B3GALNT1: variants seen among roughly 807,000 people sequenced by gnomAD.
The protein encoded by B3GALNT1 is UDP-GalNAc:beta-1,3-N-acetylgalactosaminyltransferase 1.
Under a neutral mutation model 27.3 loss-of-function variants are expected in B3GALNT1, and 17 were observed. The observed-to-expected ratio is 0.62, with a 90% CI of 0.43 to 0.94. The LOEUF (loss-of-function observed/expected upper bound fraction) is 0.94, where lower values mean the gene tolerates loss of function less well. Among genes scored for constraint, B3GALNT1 ranks in the 40% least tolerant of loss-of-function variants. The pLI, the probability that B3GALNT1 is intolerant of heterozygous loss-of-function variation, is 0.00. For synonymous variants in B3GALNT1, 141 were observed against 144.0 expected (o/e 0.98, Z 0.15); for missense variants, 347 against 390.0 (o/e 0.89, Z 0.93).
intron 4 of B3GALNT1, among the ~76,000 whole-genome samples, chr3:161,089,406 CTA>C (rs922148026): frequency 2.0e-5 from 3 of 152,010 alleles, no homozygotes; most frequent in African/African-American, 7.2e-5. Flanking sequence ...AACTAAAATA[CTA>C]GGTAAAAATG....
intron 4 of B3GALNT1, among the ~76,000 whole-genome samples, chr3:161,096,377 G>A (rs1432687406): frequency 6.6e-6 from 1 of 152,142 alleles, no homozygotes; most frequent in Non-Finnish European, 1.5e-5. Flanking sequence ...GCTAGAGTCA[G>A]GATCATCCAT....
At chr3:161,095,166 T>C (rs917849778) in intron 4 of B3GALNT1, among the ~76,000 whole-genome samples, 1 of 152,094 alleles carries the variant, frequency 6.6e-6, no homozygotes, top group African/African-American at 2.4e-5. Context: ...ATGTCAACTA[T>C]TTTCCTCTCT....
At chr3:161,103,603 T>C in intron 2 of B3GALNT1, 86 bp from the exon 3 acceptor site, 1 of 432,682 alleles carries the variant, frequency 2.3e-6, no homozygotes. Context: ...ACTTAGCAAG[T>C]TGTTTTTGGA....
At chr3:161,095,472 G>C (rs923799042) in intron 4 of B3GALNT1, among the ~76,000 whole-genome samples, 1 of 152,238 alleles carries the variant, frequency 6.6e-6, no homozygotes, top group East Asian at 1.9e-4. Context: ...ACCTGTCTTT[G>C]TAAGTTTATA....
chr3:161,085,851 G>C lies in B3GALNT1; in HGVS notation c.904C>G (p.Leu302Val). 3 of 1,614,130 alleles carry C rather than the reference G, an allele frequency of 1.9e-6. No individual in the cohort carries two copies. Among genetic ancestry groups the C allele is most frequent in the Non-Finnish European group, 2.5e-6 (3 of 1,180,016 alleles). ...CCATGGGCTGCAATCACACGTCTCA[G>C]TTGACAGACATCCAAATGGATTCTA... ...LYRIHLDVCQLRRVIAAHGFS... is the reference protein window; with the variant it reads ...LYRIHLDVCQVRRVIAAHGFS... Residue 302 changes from leucine (L) to valine (V), a missense_variant, in exon 5 of 5, where the codon CTG (leucine) becomes GTG (valine). Physicochemically the swap from Leu to Val is conservative, Grantham distance 32. Coordinates refer to ENST00000320474, the MANE Select transcript of B3GALNT1 (RefSeq NM_003781.4).
In B3GALNT1 at chr3:161,101,140, T is replaced by C. The variant is rs757893862; in HGVS notation, c.-36A>G. The C allele has an allele frequency of 7.8e-7, 1 of 1,289,556 alleles. No individual in the cohort carries two copies. Among genetic ancestry groups the C allele is most frequent in the Non-Finnish European group, 1.0e-6 (1 of 988,692 alleles). 79.9% of individuals were successfully genotyped at this position (1,289,556 alleles called of 1,614,324 possible). ...AGAATGCAGCAGAAGCAGACACACC[T>C]TTACACTCGGGGTGAGTAGTCGGAG... On this transcript the variant is annotated splice_region_variant and 5_prime_UTR_variant, in exon 4 of 5. Coordinates refer to ENST00000320474, the MANE Select transcript of B3GALNT1 (RefSeq NM_003781.4).
intron 4 of B3GALNT1, among the ~76,000 whole-genome samples, chr3:161,090,741 T>C (rs35961258): frequency 0.027 from 4,149 of 152,138 alleles, 204 homozygotes; most frequent in African/African-American, 0.094. Flanking sequence ...AATCCTTATA[T>C]ACACAATTTG....
intron 4 of B3GALNT1, among the ~76,000 whole-genome samples, chr3:161,087,128 T>C (rs1439440642): frequency 7.9e-5 from 12 of 152,144 alleles, no homozygotes; most frequent in Non-Finnish European, 1.6e-4. Flanking sequence ...AATGATGGGT[T>C]AAAAAATAAA....
intron 4 of B3GALNT1, among the ~76,000 whole-genome samples, chr3:161,090,470 T>C (rs1724459892): frequency 6.6e-6 from 1 of 152,068 alleles, no homozygotes; most frequent in African/African-American, 2.4e-5. Flanking sequence ...AGAAAACTAA[T>C]AATATTAGGT....
At position 161,086,104 on chromosome 3, in the gene B3GALNT1, T is replaced by C. The variant is rs776759593; in HGVS notation, c.651A>G (p.Gly217=). The C allele has an allele frequency of 1.2e-6, 2 of 1,601,682 alleles. No individual in the cohort carries two copies. Among genetic ancestry groups the C allele is most frequent in the South Asian group, 2.3e-5 (2 of 88,764 alleles). ...AAGAAATATGGGTTTTTTGGTAAAA[T>C]CCTCTATAGGAATAATTATCAATTA... is the stretch of plus-strand genomic sequence containing the variant. The part of the protein sequence containing the change: ...YPLIDNYSYR[G]FYQKTHISYQ... The change falls in exon 5 of 5, where the codon GGA becomes GGG. Residue 217 remains glycine (G), a synonymous_variant. Transcript: ENST00000320474.
In B3GALNT1 at chr3:161,085,450, A is replaced by G. The variant is rs1354601670; in HGVS notation, c.*309T>C. ...TTTGTTTTTACAGCCTAGTGAGCTT[A>G]TAACTCAGTAACACCCTTTTAAGAA... On this transcript the variant is annotated 3_prime_UTR_variant, in exon 5 of 5. Coordinates refer to ENST00000320474, the MANE Select transcript of B3GALNT1 (RefSeq NM_003781.4). 1.4e-5 allele frequency: 5 copies of G among 361,858 alleles called. No individual in the cohort carries two copies. The highest frequency in any genetic ancestry group is 3.2e-5 in the South Asian group (1 of 30,928). The allele number at this position is 361,858 out of a possible 1,614,324, so 22.4% of individuals were successfully genotyped here. A position where few individuals can be genotyped will look rare whatever the true frequency, so the allele number is the denominator to read the frequency against.
chr3:161,087,319 T>G (rs569508105), intron 4 of B3GALNT1, among the ~76,000 whole-genome samples: 44 of 152,328 alleles, frequency 2.9e-4, no homozygotes, highest in African/African-American at 1.0e-3. Flanking sequence ...GTGATCATTA[T>G]TCTATTCTTA....
Position 161,104,029 on chromosome 3 carries a change from GAT to G in B3GALNT1, c.-221+288_-221+289del. On this transcript the variant is annotated intron_variant, in intron 2 of 4. Transcript: ENST00000320474. ...GGCGTGAGCCACCGCGCCCGGCCTGGATGCTGTTTTGACAACAGTGTTTATTT... is the reference window on the plus strand; with the variant it reads ...GGCGTGAGCCACCGCGCCCGGCCTGGGCTGTTTTGACAACAGTGTTTATTT... 6.9e-5 allele frequency: 16 copies of G among 232,874 alleles called. 1 individual carries two copies. In the South Asian group the frequency reaches 7.7e-4, roughly 11 times the overall value. The allele number at this position is 232,874 out of a possible 1,614,324, so 14.4% of individuals were successfully genotyped here.
At position 161,086,504 on chromosome 3, in the gene B3GALNT1, A is replaced by C; in HGVS notation, c.251T>G (p.Val84Gly). 1 of 1,614,176 alleles carries C rather than the reference A, an allele frequency of 6.2e-7. No homozygotes were observed. Among genetic ancestry groups the C allele is most frequent in the Non-Finnish European group, 8.5e-7 (1 of 1,180,040 alleles). Residue 84 changes from valine to glycine, a missense_variant, in exon 5 of 5, where the codon GTG (valine) becomes GGG (glycine). Coordinates refer to ENST00000320474, the MANE Select transcript of B3GALNT1 (RefSeq NM_003781.4). ...SHQNPFLVILVTSHPSDVKAR... is the reference protein window; with the variant it reads ...SHQNPFLVILGTSHPSDVKAR... ...TTTCACATCTGAAGGGTGGGAGGTCACCAGAATGACCAGAAATGGATTTTG... is the reference window on the plus strand; with the variant it reads ...TTTCACATCTGAAGGGTGGGAGGTCCCCAGAATGACCAGAAATGGATTTTG...
In B3GALNT1 at chr3:161,085,421, T is replaced by G; in HGVS notation, c.*338A>C. On this transcript the variant is annotated 3_prime_UTR_variant, in exon 5 of 5. Transcript: ENST00000320474. ...ATTGTTCAATAAATAAAACTCTACA[T>G]TGTTTTGTTTTTACAGCCTAGTGAG... is the stretch of plus-strand genomic sequence containing the variant. The G allele has an allele frequency of 3.7e-6, 1 of 270,828 alleles. No homozygotes were observed. Among genetic ancestry groups the G allele is most frequent in the Non-Finnish European group, 7.1e-6 (1 of 141,268 alleles). The allele number at this position is 270,828 out of a possible 1,614,324, so 16.8% of individuals were successfully genotyped here.
Position 161,085,189 on chromosome 3 carries a change from A to C in B3GALNT1, c.*570T>G, listed in dbSNP as rs1721056319. 1 of 152,644 alleles carries C rather than the reference A, an allele frequency of 6.6e-6. No homozygotes were observed. The highest frequency in any genetic ancestry group is 1.9e-4 in the East Asian group (1 of 5,196). 9.5% of individuals were successfully genotyped at this position (152,644 alleles called of 1,614,324 possible). On this transcript the variant is annotated 3_prime_UTR_variant, in exon 5 of 5. Coordinates refer to ENST00000320474, the MANE Select transcript of B3GALNT1 (RefSeq NM_003781.4). ...CTTTTTATCTTGTATTGAAATCGTCAAAACATTTAAAAACACAAAGTTGAA... is the reference window on the plus strand; with the variant it reads ...CTTTTTATCTTGTATTGAAATCGTCCAAACATTTAAAAACACAAAGTTGAA...
chr3:161,085,785 G>A lies in B3GALNT1; in HGVS notation c.970C>T (p.Leu324=). The A allele has an allele frequency of 6.2e-7, 1 of 1,614,028 alleles. No individual in the cohort carries two copies. Among genetic ancestry groups the A allele is most frequent in the Non-Finnish European group, 8.5e-7 (1 of 1,180,010 alleles). ...KEIITFWQVM[L]RNTTCHY ...TAATAATGGCATGTGGTGTTCCTTA[G>A]CATGACCTGCCAAAAAGTGATGATC... The change falls in exon 5 of 5, where the codon CTA becomes TTA. Residue 324 remains leucine (L), a synonymous_variant. Coordinates refer to ENST00000320474, the MANE Select transcript of B3GALNT1 (RefSeq NM_003781.4).
At chr3:161,090,679 G>A (rs1257795381) in intron 4 of B3GALNT1, among the ~76,000 whole-genome samples, 1 of 151,376 alleles carries the variant, frequency 6.6e-6, no homozygotes, top group African/African-American at 2.4e-5. Flanking sequence ...TGGCTAACAC[G>A]GTGAAACCCC....
chr3:161,091,926 A>C (rs1275774818), intron 4 of B3GALNT1, among the ~76,000 whole-genome samples: 1 of 152,234 alleles, frequency 6.6e-6, no homozygotes, highest in Non-Finnish European at 1.5e-5. Context: ...TAAAAGGTTG[A>C]TGGACAATTG....
Sources: gnomAD v4.1 joint callset for allele counts (sites outside exome capture counted in the v4.1 genomes callset) on GRCh38, gnomAD v4.1.1 for gene constraint, MANE v1.5 for transcripts, NCBI Gene and HGNC (gene_info 2026-07-23, HGNC 2026-07-21) for gene names.